Variants in TMED2 observed in about 807,000 individuals in gnomAD.
TMED2 encodes the protein transmembrane p24 trafficking protein 2.
TMED2 carries 3 observed loss-of-function variants against 17.5 expected under a neutral mutation model. The observed-to-expected ratio is 0.17, with a 90% confidence interval of 0.08 to 0.44. The LOEUF is 0.44. TMED2 is among the 20% of genes least tolerant of loss of function. TMED2 has a pLI of 0.99. For synonymous variants in TMED2, 95 were observed against 91.0 expected, an observed-to-expected ratio of 1.04 and a Z score of -0.25; for missense variants, 149 against 254.8, an observed-to-expected ratio of 0.58 and a Z score of 2.83.
At chr12:123,586,233 T>C (rs542578792) in intron 1 of TMED2, 1 of 152,444 alleles carries the variant, frequency 6.6e-6, no homozygotes, top group Admixed American at 6.5e-5. Flanking sequence ...CCTAAAGGTG[T>C]TTTAGAAAGC....
At chr12:123,590,987 A>G (rs1431670546) in intron 3 of TMED2, among the ~76,000 whole-genome samples, 5 of 139,452 alleles carry the variant, frequency 3.6e-5, no homozygotes, top group Non-Finnish European at 7.8e-5. Context: ...TGTCTCAGGG[A>G]AAAAAAAAAA....
intron 2 of TMED2, among the ~76,000 whole-genome samples, chr12:123,587,815 A>G (rs1953362649): frequency 6.6e-6 from 1 of 152,134 alleles, no homozygotes; most frequent in African/African-American, 2.4e-5. Flanking sequence ...GACAGGAGGT[A>G]TAGGTTAGGT....
chr12:123,593,938 G>A (rs1953411607), intron 3 of TMED2, among the ~76,000 whole-genome samples: 1 of 151,674 alleles, frequency 6.6e-6, no homozygotes, highest in Admixed American at 6.6e-5. Flanking sequence ...TGGAACTACA[G>A]GCATGTGCCA....
At position 123,596,824 on chromosome 12, in the gene TMED2, A is replaced by G; in HGVS notation, c.*95A>G. 1 of 1,396,682 alleles carries G rather than the reference A, an allele frequency of 7.2e-7. No homozygotes were observed. Among genetic ancestry groups the G allele is most frequent in the Non-Finnish European group, 9.5e-7 (1 of 1,057,850 alleles). 86.5% of individuals were successfully genotyped at this position (1,396,682 alleles called of 1,614,324 possible). On this transcript the variant is annotated 3_prime_UTR_variant, in exon 4 of 4. Coordinates refer to ENST00000262225, the MANE Select transcript of TMED2 (RefSeq NM_006815.4). ...TTAGTTTCTCCATTTTTATTTTCTG[A>G]ACTGTACATTCACAACTTATGTTTC...
chr12:123,585,079 G>T (rs1385364903), intron 1 of TMED2: 4 of 440,738 alleles, frequency 9.1e-6, no homozygotes, highest in African/African-American at 6.0e-5. Context: ...CTCCTTGAAC[G>T]ACGGGTTCCT....
Position 123,594,291 on chromosome 12 carries a change from C to T in TMED2, c.482-2314C>T, listed in dbSNP as rs549016885. Among the ~76,000 whole-genome samples the T allele has an allele frequency of 1.4e-4, 21 of 151,938 alleles. No homozygotes were observed. In the East Asian group the frequency reaches 1.6e-3, roughly 11 times the overall value. ...TTGGGACTACAGGTGCCTGCCACCA[C>T]GCCTGGGTAATTTTTTTTATTTTTA... On this transcript the variant is annotated intron_variant, in intron 3 of 3. Transcript: ENST00000262225.
intron 2 of TMED2, among the ~76,000 whole-genome samples, chr12:123,589,375 T>C (rs1953374860): frequency 6.6e-6 from 1 of 152,242 alleles, no homozygotes; most frequent in Non-Finnish European, 1.5e-5. Context: ...TTAATTAATA[T>C]TAGAGTTACA....
At chr12:123,592,092 G>A (rs1161155461) in intron 3 of TMED2, among the ~76,000 whole-genome samples, 1 of 152,222 alleles carries the variant, frequency 6.6e-6, no homozygotes, top group Admixed American at 6.5e-5. Flanking sequence ...GTGTGTAAAT[G>A]TAATAGCCTG....
At chr12:123,587,324 C>T (rs1400663294) in intron 2 of TMED2, among the ~76,000 whole-genome samples, 1 of 152,056 alleles carries the variant, frequency 6.6e-6, no homozygotes, top group East Asian at 1.9e-4. Context: ...GACGGGGTTT[C>T]ACCATGTTGG....
chr12:123,588,521 T>C (rs1250152098), intron 2 of TMED2, among the ~76,000 whole-genome samples: 1 of 152,176 alleles, frequency 6.6e-6, no homozygotes, highest in African/African-American at 2.4e-5. Flanking sequence ...AGTTTGAAAA[T>C]GTTGGTTGAT....
chr12:123,591,526 G>A (rs1047018437), intron 3 of TMED2, among the ~76,000 whole-genome samples: 12 of 152,176 alleles, frequency 7.9e-5, no homozygotes, highest in Admixed American at 3.9e-4. Flanking sequence ...GCTCACGCCT[G>A]TAATCCTAGC....
chr12:123,591,736 C>T (rs189785449), intron 3 of TMED2, among the ~76,000 whole-genome samples: 2 of 151,612 alleles, frequency 1.3e-5, no homozygotes, highest in Admixed American at 1.3e-4. Flanking sequence ...GAGCTGATAT[C>T]ATGCCATTGC....
At position 123,590,468 on chromosome 12, in the gene TMED2, T is replaced by G; in HGVS notation, c.481+19T>G. ...AGAGCCAGTAAGTGAATGCCGTCAC[T>G]TTGCAGCAGTGTCTGATGGTGAAGG... On this transcript the variant is annotated intron_variant, in intron 3 of 3. Coordinates refer to ENST00000262225, the MANE Select transcript of TMED2 (RefSeq NM_006815.4). 6.4e-7 allele frequency: 1 copy of G among 1,568,788 alleles called. No individual in the cohort carries two copies. The highest frequency in any genetic ancestry group is 1.1e-5 in the South Asian group (1 of 88,012).
intron 1 of TMED2, chr12:123,585,589 T>C (rs1886329718): frequency 6.6e-6 from 1 of 152,248 alleles, no homozygotes; most frequent in Admixed American, 6.5e-5. Context: ...GAGTTTCCAT[T>C]TGACAGTGTA....
intron 3 of TMED2, among the ~76,000 whole-genome samples, chr12:123,591,373 T>C (rs1953391176): frequency 6.6e-6 from 1 of 152,172 alleles, no homozygotes; most frequent in African/African-American, 2.4e-5. Flanking sequence ...AAAATGAAGC[T>C]TTTGCATTTA....
In TMED2 at chr12:123,586,749, T is replaced by A. The variant is rs779301233; in HGVS notation, c.183T>A (p.Ile61=). The A allele has an allele frequency of 5.0e-6, 8 of 1,594,738 alleles. No individual in the cohort carries two copies. Among genetic ancestry groups the A allele is most frequent in the Non-Finnish European group, 6.0e-6 (7 of 1,169,360 alleles). ...ATGCATTTCTCTCTTGCCTCCAGAT[T>A]ACAGGACCAGATAACAAAGGAATTT... ...EGGFLDIDVE[I]TGPDNKGIYK... Residue 61 remains isoleucine, a splice_region_variant and synonymous_variant, in exon 2 of 4, where the codon ATT becomes ATA. Coordinates refer to ENST00000262225, the MANE Select transcript of TMED2 (RefSeq NM_006815.4).
At chr12:123,588,149 G>A (rs888065008) in intron 2 of TMED2, among the ~76,000 whole-genome samples, 2 of 151,380 alleles carry the variant, frequency 1.3e-5, no homozygotes, top group Non-Finnish European at 2.9e-5. Flanking sequence ...TGGTGGTTCT[G>A]GATAAATTGC....
chr12:123,586,675 C>T lies in TMED2; in HGVS notation c.181-72C>T, dbSNP rs190696650. On this transcript the variant is annotated intron_variant, in intron 1 of 3. Coordinates refer to ENST00000262225, the MANE Select transcript of TMED2 (RefSeq NM_006815.4). The stretch of plus-strand genomic sequence containing the variant: ...ATATTCTTGGTGAATTTCTTACTGC[C>T]ATTAGACATTACTTATAAAGTCTAT... 11 of 1,423,960 alleles carry T rather than the reference C, an allele frequency of 7.7e-6. No homozygotes were observed. In the East Asian group the frequency reaches 1.9e-4, roughly 25 times the overall value. The allele number at this position is 1,423,960 out of a possible 1,614,324, so 88.2% of individuals were successfully genotyped here.
rs144227650 is a variant in TMED2 at position 123,587,008 on chromosome 12, T to C, written c.373+69T>C. On this transcript the variant is annotated intron_variant, in intron 2 of 3. Coordinates refer to ENST00000262225, the MANE Select transcript of TMED2 (RefSeq NM_006815.4). Reference sequence around the variant, plus strand: ...AATTTTAGTTCTATACATTTTTACCTGTCTGAGTGGAGTACTTATTTTTTT... The same window carrying C: ...AATTTTAGTTCTATACATTTTTACCCGTCTGAGTGGAGTACTTATTTTTTT... 1,298 of 1,385,244 alleles carry C rather than the reference T, an allele frequency of 9.4e-4. 5 individuals carry two copies. The African/African-American group carries it at 0.016, about 17-fold the overall frequency. The allele number at this position is 1,385,244 out of a possible 1,614,324, so 85.8% of individuals were successfully genotyped here.
Sources: allele counts gnomAD v4.1 joint callset (sites outside exome capture counted in the v4.1 genomes callset), GRCh38; gene constraint gnomAD v4.1.1; transcripts MANE v1.5; gene names NCBI Gene and HGNC (gene_info 2026-07-23, HGNC 2026-07-21).